The following STPG2 variants were observed in gnomAD, a reference collection of about 807,000 sequenced individuals.
STPG2 encodes sperm tail PG-rich repeat containing 2.
A neutral mutation model predicts 54.2 loss-of-function variants in STPG2; 56 were observed. The observed-to-expected ratio is 1.03, with a 90% CI of 0.83 to 1.29. The LOEUF (loss-of-function observed/expected upper bound fraction) is 1.29, where lower values mean the gene tolerates loss of function less well. Among genes scored for constraint, STPG2 ranks in the 50% most tolerant of loss-of-function variants. STPG2 has a pLI of 0.00. For missense variants in STPG2, 596 were observed against 544.9 expected (o/e 1.09, Z -0.93); for synonymous variants, 200 against 181.8 (o/e 1.10, Z -0.81).
rs528480709 is a variant in STPG2 at position 97,527,305 on chromosome 4, C to A, written c.462+185394G>T. On this transcript the variant is annotated intron_variant, in intron 4 of 4. Transcript: ENST00000522676. ...GAGGATGATAGCTTCCAGCTTCATC[C>A]ATGTCCCTGCAAAGGACATGAACTC... Among the ~76,000 whole-genome samples, 623 of 152,146 alleles carry A rather than the reference C, an allele frequency of 4.1e-3. 4 individuals are homozygous for A. Among genetic ancestry groups the A allele is most frequent in the African/African-American group, 0.014 (596 of 41,522 alleles).
At chr4:97,738,965 A>C (rs936945583) in intron 9 of STPG2, among the ~76,000 whole-genome samples, 2 of 152,188 alleles carry the variant, frequency 1.3e-5, no homozygotes, top group African/African-American at 4.8e-5. Context: ...AGTTGGAAGT[A>C]AAGCTCTCCT....
chr4:97,635,080 C>G (rs1446588595), intron 10 of STPG2, among the ~76,000 whole-genome samples: 1 of 151,914 alleles, frequency 6.6e-6, no homozygotes, highest in African/African-American at 2.4e-5. Context: ...ATGTTAAGGG[C>G]AGCCAGAGAG....
At chr4:97,726,031 T>C (rs145241354) in intron 9 of STPG2, among the ~76,000 whole-genome samples, 148 of 151,952 alleles carry the variant, frequency 9.7e-4, no homozygotes, top group African/African-American at 3.3e-3. Flanking sequence ...GGAAGATATC[T>C]TGAAATATAA....
chr4:97,736,709 G>A (rs1167161584), intron 9 of STPG2, among the ~76,000 whole-genome samples: 4 of 152,224 alleles, frequency 2.6e-5, no homozygotes, highest in South Asian at 2.1e-4. Flanking sequence ...GAGCCGGGAA[G>A]CTCGAACTGG....
chr4:97,852,978 T>C (rs1729214859), intron 8 of STPG2, among the ~76,000 whole-genome samples: 1 of 123,760 alleles, frequency 8.1e-6, no homozygotes, highest in African/African-American at 3.1e-5. Context: ...TTTTTTTTTT[T>C]TTTTTTTTTT....
At chr4:97,710,660 TAA>T (rs1261569194) in intron 10 of STPG2, among the ~76,000 whole-genome samples, 1 of 152,050 alleles carries the variant, frequency 6.6e-6, no homozygotes, top group Non-Finnish European at 1.5e-5. Context: ...TTAAACTTAT[TAA>T]AGTCATGAGA....
At chr4:97,680,060 TGATGC>T (rs1305576439) in intron 10 of STPG2, among the ~76,000 whole-genome samples, 1 of 152,132 alleles carries the variant, frequency 6.6e-6, no homozygotes, top group Non-Finnish European at 1.5e-5. Context: ...TCAGGTAGTG[TGATGC>T]CTCCAGCTTT....
chr4:97,772,151 T>C (rs531419059), intron 9 of STPG2, among the ~76,000 whole-genome samples: 2 of 152,198 alleles, frequency 1.3e-5, no homozygotes, highest in Non-Finnish European at 2.9e-5. Flanking sequence ...AGAGCATGTA[T>C]TAAAAGGTAA....
At chr4:97,750,578 A>G (rs1331061252) in intron 9 of STPG2, among the ~76,000 whole-genome samples, 2 of 151,764 alleles carry the variant, frequency 1.3e-5, no homozygotes, top group Non-Finnish European at 3.0e-5. Flanking sequence ...ATTTCCAAGA[A>G]GGACCTGATC....
chr4:97,584,530 A>C (rs1393704898), intron 10 of STPG2, among the ~76,000 whole-genome samples: 1 of 152,090 alleles, frequency 6.6e-6, no homozygotes, highest in Admixed American at 6.6e-5. Context: ...AATAACAAAG[A>C]TCAGAGCAGA....
chr4:98,040,449 C>T lies in STPG2; in HGVS notation c.613-59131G>A, dbSNP rs186244059. On this transcript the variant is annotated intron_variant, in intron 5 of 10. Coordinates refer to ENST00000295268, the MANE Select transcript of STPG2 (RefSeq NM_174952.3). ...TTTTCTTCTAGGATTTTTAGAGCTT[C>T]AGGTCTTACATTTAAGTCTTGAATT... Among the ~76,000 whole-genome samples the T allele has an allele frequency of 1.6e-4, 25 of 151,866 alleles. No homozygotes were observed. The East Asian group carries it at 4.2e-3, about 26-fold the overall frequency.
chr4:97,796,314 T>C (rs1211123681), intron 9 of STPG2, among the ~76,000 whole-genome samples: 1 of 152,224 alleles, frequency 6.6e-6, no homozygotes, highest in Non-Finnish European at 1.5e-5. Context: ...GGTTTTCTTC[T>C]AGGGTTTTTA....
At position 97,740,443 on chromosome 4, in the gene STPG2, G is replaced by A. The variant is rs571120983; in HGVS notation, c.1205-27629C>T. ...AATTGTCCCTGTTTGCAGATGACAT[G>A]ATTGTATATCTAGAAAACCCCATTG... On this transcript the variant is annotated intron_variant, in intron 9 of 10. Transcript: ENST00000295268. 3.7e-3 allele frequency among the ~76,000 whole-genome samples: 562 copies of A among 152,230 alleles called. 3 individuals are homozygous for A. The highest frequency in any genetic ancestry group is 6.7e-3 in the Non-Finnish European group (453 of 67,990).
chr4:97,716,931 T>C (rs1724308289), intron 9 of STPG2, among the ~76,000 whole-genome samples: 1 of 152,128 alleles, frequency 6.6e-6, no homozygotes. Flanking sequence ...TGAAATTTCA[T>C]GGTTTTAAAA....
At chr4:97,525,623 A>C (rs1463760029) in intron 4 of STPG2, among the ~76,000 whole-genome samples, 1 of 152,014 alleles carries the variant, frequency 6.6e-6, no homozygotes, top group Non-Finnish European at 1.5e-5. Context: ...CTCAGGAGCC[A>C]AACAAAAACT....
At chr4:98,077,400 G>A (rs1030289885) in intron 5 of STPG2, among the ~76,000 whole-genome samples, 5 of 151,962 alleles carry the variant, frequency 3.3e-5, no homozygotes, top group Admixed American at 2.6e-4. Context: ...GTACCACCAC[G>A]CCCGCCTAAT....
At chr4:97,747,532 CT>C in intron 9 of STPG2, among the ~76,000 whole-genome samples, 1 of 151,420 alleles carries the variant, frequency 6.6e-6, no homozygotes, top group Admixed American at 6.6e-5. Context: ...ATTTAAGGAC[CT>C]TTCTTTGCCA....
chr4:97,746,009 A>G (rs977826915), intron 9 of STPG2, among the ~76,000 whole-genome samples: 14 of 151,236 alleles, frequency 9.3e-5, no homozygotes, highest in Non-Finnish European at 2.1e-4. Flanking sequence ...TTTTTCTCTG[A>G]AAGTTTTTAG....
chr4:97,765,968 T>C (rs1726035439), intron 9 of STPG2, among the ~76,000 whole-genome samples: 1 of 152,102 alleles, frequency 6.6e-6, no homozygotes, highest in South Asian at 2.1e-4. Context: ...GTGAGCTCAA[T>C]ATTAGAGGGA....
Sources: allele counts gnomAD v4.1 joint callset (sites outside exome capture counted in the v4.1 genomes callset), GRCh38; gene constraint gnomAD v4.1.1; transcripts MANE v1.5; gene names NCBI Gene and HGNC (gene_info 2026-07-23, HGNC 2026-07-21).